Variants in TSHZ2 observed in about 807,000 individuals in gnomAD.
TSHZ2 encodes teashirt homolog 2.
In TSHZ2, 21 loss-of-function variants were observed where a neutral mutation model predicts 74.4. The observed-to-expected ratio is 0.28, with a 90% CI of 0.20 to 0.41. TSHZ2 has a LOEUF of 0.41. Ranked by LOEUF, TSHZ2 falls within the 10% of genes least tolerant of loss-of-function variation. TSHZ2 has a pLI of 1.00. For missense variants in TSHZ2, 1,244 were observed against 1,293.5 expected (o/e 0.96, Z 0.59); for synonymous variants, 540 against 515.3 (o/e 1.05, Z -0.65).
intron 2 of TSHZ2, among the ~76,000 whole-genome samples, chr20:53,334,696 A>T (rs541111901): frequency 1.3e-4 from 20 of 151,870 alleles, no homozygotes; most frequent in African/African-American, 2.7e-4. Context: ...TTTCTAATTT[A>T]AAAAAAATTT....
chr20:53,469,045 T>TTATGTATATATA (rs1555872220), intron 2 of TSHZ2, among the ~76,000 whole-genome samples: 1 of 49,112 alleles, frequency 2.0e-5, no homozygotes, highest in Non-Finnish European at 4.2e-5. Flanking sequence ...AATCGATATT[T>TTATGTATATATA]TATATATATA....
At chr20:53,094,417 C>G (rs1985975934) in intron 1 of TSHZ2, among the ~76,000 whole-genome samples, 1 of 152,188 alleles carries the variant, frequency 6.6e-6, no homozygotes, top group Non-Finnish European at 1.5e-5. Flanking sequence ...GAACCAGAGC[C>G]ACAGTAGTCT....
At chr20:53,287,430 T>C (rs1194299190) in intron 2 of TSHZ2, among the ~76,000 whole-genome samples, 2 of 152,224 alleles carry the variant, frequency 1.3e-5, no homozygotes, top group Middle Eastern at 3.4e-3. Context: ...GGAGTTACAG[T>C]TTAGATGTTG....
intron 1 of TSHZ2, among the ~76,000 whole-genome samples, chr20:53,187,484 T>C (rs1250817707): frequency 6.6e-6 from 1 of 152,212 alleles, no homozygotes; most frequent in East Asian, 1.9e-4. Flanking sequence ...TGGCTTGCTA[T>C]TTGCTTTACC....
At chr20:53,327,219 T>C (rs903283628) in intron 2 of TSHZ2, among the ~76,000 whole-genome samples, 11 of 152,240 alleles carry the variant, frequency 7.2e-5, no homozygotes, top group Non-Finnish European at 1.5e-5. Context: ...GGTCACAAGT[T>C]GTTCCTTCAA....
intron 2 of TSHZ2, among the ~76,000 whole-genome samples, chr20:53,258,960 A>C (rs1404015094): frequency 6.6e-6 from 1 of 152,206 alleles, no homozygotes. Context: ...GTTTGTGTTC[A>C]TCGTAAAAAT....
At chr20:53,342,036 A>G (rs1338614846) in intron 2 of TSHZ2, among the ~76,000 whole-genome samples, 2 of 152,160 alleles carry the variant, frequency 1.3e-5, no homozygotes, top group Admixed American at 6.5e-5. Flanking sequence ...ATACAGAAAA[A>G]TTGAGATGCT....
intron 1 of TSHZ2, among the ~76,000 whole-genome samples, chr20:52,979,679 A>AT (rs941101879): frequency 6.6e-6 from 1 of 152,078 alleles, no homozygotes; most frequent in Non-Finnish European, 1.5e-5. Flanking sequence ...GCCTCCCTCA[A>AT]TTTTTTACGT....
Position 53,256,298 on chromosome 20 carries a change from C to G in TSHZ2, c.2840C>G (p.Ser947Cys). 6.2e-7 allele frequency: 1 copy of G among 1,614,110 alleles called. No homozygotes were observed. Among genetic ancestry groups the G allele is most frequent in the Non-Finnish European group, 8.5e-7 (1 of 1,179,976 alleles). Residue 947 changes from serine to cysteine, a missense_variant, in exon 2 of 3, where the codon TCT becomes TGT. By Grantham distance (112) the Ser-to-Cys change is moderately radical. Around this residue, in one of 6 missense-constraint regions of TSHZ2, gnomAD observed 185 missense variants for 213.3 expected, o/e 0.87. Coordinates refer to ENST00000371497, the MANE Select transcript of TSHZ2 (RefSeq NM_173485.6). This position sits in a 1 kb window ranked among gnomAD's most constrained non-coding sequence, Gnocchi z 4.3. ...TPSTYISHLE[S>C]HLGFQMKDMT... ...TCTACCTACATCAGTCACTTAGAATCTCACCTGGGTTTCCAAATGAAGGAC... is the reference window on the plus strand; with the variant it reads ...TCTACCTACATCAGTCACTTAGAATGTCACCTGGGTTTCCAAATGAAGGAC...
intron 2 of TSHZ2, among the ~76,000 whole-genome samples, chr20:53,478,518 G>T (rs1417309157): frequency 1.7e-5 from 2 of 116,256 alleles, no homozygotes; most frequent in South Asian, 3.4e-4. Flanking sequence ...GTTGTAGGGT[G>T]GGGGGAGGGG....
intron 1 of TSHZ2, among the ~76,000 whole-genome samples, chr20:53,125,856 G>C (rs1456515205): frequency 6.6e-6 from 1 of 152,166 alleles, no homozygotes; most frequent in Non-Finnish European, 1.5e-5. Flanking sequence ...ATAAGCCTCA[G>C]TGATATTTCA....
chr20:53,214,487 C>T (rs1401320819), intron 1 of TSHZ2, among the ~76,000 whole-genome samples: 2 of 152,186 alleles, frequency 1.3e-5, no homozygotes, highest in East Asian at 3.8e-4. Flanking sequence ...CGGCAGATCA[C>T]TTGAACTGGC....
intron 1 of TSHZ2, among the ~76,000 whole-genome samples, chr20:53,017,345 T>C (rs754756232): frequency 2.0e-5 from 3 of 152,178 alleles, no homozygotes; most frequent in Non-Finnish European, 4.4e-5. Context: ...CTGAAATAAG[T>C]CCTCTCTGTC....
chr20:53,372,428 G>A, intron 2 of TSHZ2, among the ~76,000 whole-genome samples: 1 of 151,942 alleles, frequency 6.6e-6, no homozygotes, highest in Non-Finnish European at 1.5e-5. Flanking sequence ...AGTGATCGGA[G>A]ATCACACCAC....
At chr20:53,158,732 C>A (rs1373436239) in intron 1 of TSHZ2, among the ~76,000 whole-genome samples, 1 of 152,174 alleles carries the variant, frequency 6.6e-6, no homozygotes, top group African/African-American at 2.4e-5. Flanking sequence ...AGGACCACCC[C>A]CTCCCCAACC....
chr20:53,177,672 A>G (rs1025359481), intron 1 of TSHZ2, among the ~76,000 whole-genome samples: 2 of 152,214 alleles, frequency 1.3e-5, no homozygotes, highest in East Asian at 1.9e-4. Context: ...AAATATGTTA[A>G]TCTACATTTA....
intron 1 of TSHZ2, among the ~76,000 whole-genome samples, chr20:53,014,917 T>G (rs981612905): frequency 1.3e-5 from 2 of 152,172 alleles, no homozygotes; most frequent in African/African-American, 4.8e-5. Flanking sequence ...ACCCTGTGTT[T>G]AAAACTCCCA....
chr20:53,337,867 T>C (rs1326455773), intron 2 of TSHZ2, among the ~76,000 whole-genome samples: 1 of 152,234 alleles, frequency 6.6e-6, no homozygotes, highest in Non-Finnish European at 1.5e-5. Context: ...AATTGTACGC[T>C]AGAGCAGACA....
intron 2 of TSHZ2, among the ~76,000 whole-genome samples, chr20:53,385,716 T>G (rs1213864276): frequency 6.6e-6 from 1 of 152,208 alleles, no homozygotes; most frequent in East Asian, 1.9e-4. Flanking sequence ...GGGAGCTTCA[T>G]TCATTCATTC....
Sources: gnomAD v4.1 joint callset for allele counts (sites outside exome capture counted in the v4.1 genomes callset) on GRCh38, gnomAD v4.1.1 for gene constraint, gnomAD v4.1.1 regional missense constraint, Gnocchi (gnomAD v3.1) non-coding constraint, MANE v1.5 for transcripts, NCBI Gene and HGNC (gene_info 2026-07-23, HGNC 2026-07-21) for gene names.